Variants in CDH4 observed in about 807,000 individuals in gnomAD.
CDH4 encodes the protein cadherin-4.
Under a neutral mutation model 86.0 loss-of-function variants are expected in CDH4, and 33 were observed. The ratio of observed to expected loss-of-function variants is 0.38; its 90% CI spans 0.29 to 0.51. The LOEUF is 0.51. CDH4 is among the 20% of genes least tolerant of loss of function. CDH4 has a pLI of 0.86. For synonymous variants in CDH4, 555 were observed against 549.4 expected (o/e 1.01, Z -0.14); for missense variants, 1,114 against 1,307.4 (o/e 0.85, Z 2.28).
At chr20:61,927,178 C>T (rs1296958311) in intron 11 of CDH4, among the ~76,000 whole-genome samples, 1 of 152,256 alleles carries the variant, frequency 6.6e-6, no homozygotes, top group African/African-American at 2.4e-5. Flanking sequence ...AGTCAAAACA[C>T]GTGGTTGTTA....
intron 2 of CDH4, among the ~76,000 whole-genome samples, chr20:61,691,942 G>A (rs2087660211): frequency 6.6e-6 from 1 of 152,206 alleles, no homozygotes; most frequent in African/African-American, 2.4e-5. Flanking sequence ...ACAGCCTACT[G>A]AGCACTTTTG....
In CDH4 at chr20:61,940,091, T is replaced by TAAC. The variant is rs759599364; in HGVS notation, c.*3150_*3152dup. ...CAATTTCTGTCAGTGCTCAAAGGAA[T>TAAC]AACACCAAAAGAATCAACACAGAAT... On this transcript the variant is annotated 3_prime_UTR_variant, in exon 16 of 16. Transcript: ENST00000614565. 1 of 152,246 alleles carries TAAC rather than the reference T, an allele frequency of 6.6e-6. No individual in the cohort carries two copies. The highest frequency in any genetic ancestry group is 1.9e-4 in the East Asian group (1 of 5,174). 9.4% of individuals were successfully genotyped at this position (152,246 alleles called of 1,614,324 possible).
chr20:61,692,087 G>C (rs1183769132), intron 2 of CDH4, among the ~76,000 whole-genome samples: 1 of 151,902 alleles, frequency 6.6e-6, no homozygotes, highest in Non-Finnish European at 1.5e-5. Context: ...AAAGATGTGT[G>C]TGTGTATGTG....
chr20:61,411,443 C>T (rs141870676), intron 2 of CDH4, among the ~76,000 whole-genome samples: 38 of 151,512 alleles, frequency 2.5e-4, no homozygotes, highest in Non-Finnish European at 4.7e-4. Context: ...TTGGCAGAAC[C>T]TCAAGCCAAA....
intron 2 of CDH4, among the ~76,000 whole-genome samples, chr20:61,364,165 AC>A (rs2084798803): frequency 6.6e-6 from 1 of 152,066 alleles, no homozygotes; most frequent in African/African-American, 2.4e-5. Context: ...TGCTCTCTCT[AC>A]CCCAGCTCAG....
intron 2 of CDH4, among the ~76,000 whole-genome samples, chr20:61,407,727 G>A (rs2085092121): frequency 1.3e-5 from 2 of 152,168 alleles, no homozygotes; most frequent in South Asian, 4.1e-4. Context: ...ATACCTAGAG[G>A]GACAGATGAG....
At chr20:61,936,240 C>T (rs2055181183) in intron 15 of CDH4, among the ~76,000 whole-genome samples, 1 of 149,848 alleles carries the variant, frequency 6.7e-6, no homozygotes, top group Non-Finnish European at 1.5e-5. Flanking sequence ...CCACATGGCC[C>T]AGCCCTCACC....
intron 7 of CDH4, among the ~76,000 whole-genome samples, chr20:61,890,136 A>G (rs915744800): frequency 1.4e-5 from 2 of 142,626 alleles, no homozygotes; most frequent in African/African-American, 5.4e-5. Context: ...GGGTGAGTGG[A>G]TGGTGGATGG....
At chr20:61,327,946 T>G (rs966294412) in intron 2 of CDH4, among the ~76,000 whole-genome samples, 1 of 152,220 alleles carries the variant, frequency 6.6e-6, no homozygotes, top group Admixed American at 6.5e-5. Context: ...ATAACGGATC[T>G]TAACGTGAAC....
intron 2 of CDH4, among the ~76,000 whole-genome samples, chr20:61,555,601 A>G (rs987369871): frequency 3.9e-5 from 6 of 152,376 alleles, no homozygotes; most frequent in African/African-American, 1.2e-4. Flanking sequence ...CCATTTGCAC[A>G]GAGACTAAAA....
At chr20:61,476,977 C>A (rs1454987633) in intron 2 of CDH4, among the ~76,000 whole-genome samples, 2 of 152,194 alleles carry the variant, frequency 1.3e-5, no homozygotes, top group Non-Finnish European at 2.9e-5. Context: ...CCGGGAGAGA[C>A]AGAGAGGCCA....
chr20:61,364,185 A>C (rs1297980617), intron 2 of CDH4, among the ~76,000 whole-genome samples: 1 of 152,174 alleles, frequency 6.6e-6, no homozygotes, highest in Non-Finnish European at 1.5e-5. Context: ...AGGCTCATCC[A>C]GTAGGAGCTG....
intron 2 of CDH4, among the ~76,000 whole-genome samples, chr20:61,705,726 T>C (rs1490292277): frequency 6.6e-6 from 1 of 152,242 alleles, no homozygotes; most frequent in African/African-American, 2.4e-5. Context: ...GGCAGCTGGC[T>C]TCCTCTCACG....
At chr20:61,759,431 T>C (rs2088605300) in intron 3 of CDH4, among the ~76,000 whole-genome samples, 1 of 151,832 alleles carries the variant, frequency 6.6e-6, no homozygotes, top group South Asian at 2.1e-4. Context: ...AAGCCGGAGG[T>C]CCCCAGGGGA....
At chr20:61,519,908 C>T (rs73150279) in intron 2 of CDH4, among the ~76,000 whole-genome samples, 12,801 of 152,258 alleles carry the variant, frequency 0.084, 634 homozygotes, top group Non-Finnish European at 0.12. Context: ...GACTGCCTCG[C>T]ATTAGTGGTG....
At chr20:61,668,732 G>A (rs968124738) in intron 2 of CDH4, among the ~76,000 whole-genome samples, 4 of 152,264 alleles carry the variant, frequency 2.6e-5, no homozygotes, top group Admixed American at 6.5e-5. Flanking sequence ...AGGTTGCACT[G>A]CATGTCTGCA....
chr20:61,697,229 T>C (rs2087724266), intron 2 of CDH4, among the ~76,000 whole-genome samples: 1 of 152,140 alleles, frequency 6.6e-6, no homozygotes. Flanking sequence ...TGGAAGATGC[T>C]GATGAGAAGC....
chr20:61,518,401 A>G lies in CDH4; in HGVS notation c.170-225162A>G, dbSNP rs1022290542. Among the ~76,000 whole-genome samples, 4 of 152,152 alleles carry G rather than the reference A, an allele frequency of 2.6e-5. No homozygotes were observed. The highest frequency in any genetic ancestry group is 5.9e-5 in the Non-Finnish European group (4 of 68,020). ...CTGGAATTTGGCCAAATTCTCTGTT[A>G]TGATGAGGCTGTCCATCATCCATCT... On this transcript the variant is annotated intron_variant, in intron 2 of 15. Coordinates refer to ENST00000614565, the MANE Select transcript of CDH4 (RefSeq NM_001794.5). The surrounding 1 kb of genome is among the most constrained non-coding windows in gnomAD (Gnocchi z 6.3).
intron 2 of CDH4, among the ~76,000 whole-genome samples, chr20:61,653,869 C>T (rs1224686418): frequency 2.2e-5 from 3 of 138,740 alleles, no homozygotes; most frequent in African/African-American, 5.2e-5. Context: ...GATGGGATGG[C>T]GGCCGGGCAG....
Sources: gnomAD v4.1 joint callset for allele counts (sites outside exome capture counted in the v4.1 genomes callset) on GRCh38, gnomAD v4.1.1 for gene constraint, Gnocchi (gnomAD v3.1) non-coding constraint, MANE v1.5 for transcripts, NCBI Gene and HGNC (gene_info 2026-07-23, HGNC 2026-07-21) for gene names.